Variants in ATAD2B observed in about 807,000 individuals in gnomAD.
ATAD2B encodes ATPase family AAA domain containing 2B, also known as ATPase family AAA domain-containing protein 2B.
Under a neutral mutation model 167.6 loss-of-function variants are expected in ATAD2B, and 40 were observed. The observed-to-expected ratio is 0.24, with a 90% CI of 0.19 to 0.31. The LOEUF (loss-of-function observed/expected upper bound fraction) is 0.31, where lower values mean the gene tolerates loss of function less well. ATAD2B is among the 10% of genes least tolerant of loss of function. The pLI, the probability that ATAD2B is intolerant of heterozygous loss-of-function variation, is 1.00. For synonymous variants in ATAD2B, 579 were observed against 596.5 expected, an observed-to-expected ratio of 0.97 and a Z score of 0.43; for missense variants, 1,242 against 1,757.2, an observed-to-expected ratio of 0.71 and a Z score of 5.24.
chr2:23,688,030 C>T, the ATAD2B span, among the ~76,000 whole-genome samples: 2 of 152,118 alleles, frequency 1.3e-5, no homozygotes, highest in East Asian at 1.9e-4. Context: ...GCCCAGAGCC[C>T]CACACCCTTC....
At chr2:23,845,120 T>C (rs1691543001) in intron 13 of ATAD2B, among the ~76,000 whole-genome samples, 1 of 152,174 alleles carries the variant, frequency 6.6e-6, no homozygotes, top group South Asian at 2.1e-4. Flanking sequence ...CTTCAAATTT[T>C]ATACCCAGAG....
chr2:23,830,771 A>T (rs1426126460), intron 14 of ATAD2B, among the ~76,000 whole-genome samples: 1 of 152,150 alleles, frequency 6.6e-6, no homozygotes, highest in East Asian at 1.9e-4. Flanking sequence ...CTGTAAGATG[A>T]CATTAAGAAT....
intron 1 of ATAD2B, among the ~76,000 whole-genome samples, chr2:23,905,555 A>C (rs1379292446): frequency 6.6e-6 from 1 of 151,996 alleles, no homozygotes; most frequent in Non-Finnish European, 1.5e-5. Flanking sequence ...AATGCCACAG[A>C]CTCTGAAGTT....
intron 1 of ATAD2B, among the ~76,000 whole-genome samples, chr2:23,924,017 A>T (rs4665247): frequency 6.6e-6 from 1 of 151,870 alleles, no homozygotes; most frequent in Non-Finnish European, 1.5e-5. Context: ...CCCGTCTCTA[A>T]TAAAAATACA....
intron 12 of ATAD2B, among the ~76,000 whole-genome samples, chr2:23,861,979 T>G (rs770890382): frequency 4.6e-5 from 7 of 152,204 alleles, no homozygotes; most frequent in Non-Finnish European, 8.8e-5. Flanking sequence ...GGCGGGAGGA[T>G]AGCTGAAGGC....
At chr2:23,769,298 G>A (rs1465192892) in intron 22 of ATAD2B, among the ~76,000 whole-genome samples, 3 of 152,150 alleles carry the variant, frequency 2.0e-5, no homozygotes, top group African/African-American at 7.2e-5. Context: ...AAAATTAGCC[G>A]GGCGTGGAGG....
chr2:23,812,727 G>A (rs1685797224), intron 17 of ATAD2B, among the ~76,000 whole-genome samples: 1 of 151,872 alleles, frequency 6.6e-6, no homozygotes, highest in Admixed American at 6.6e-5. Context: ...GCTGGGCGTG[G>A]TGGCACGTGC....
At chr2:23,806,773 T>G (rs1469071397) in intron 18 of ATAD2B, among the ~76,000 whole-genome samples, 1 of 152,208 alleles carries the variant, frequency 6.6e-6, no homozygotes, top group Admixed American at 6.5e-5. Context: ...GAGGACTATA[T>G]GTCAAGCCTA....
At chr2:23,737,355 G>A in the ATAD2B span, among the ~76,000 whole-genome samples, 1 of 152,160 alleles carries the variant, frequency 6.6e-6, no homozygotes, top group African/African-American at 2.4e-5. Flanking sequence ...AAAACTTCCA[G>A]AGGAACGATC....
the ATAD2B span, among the ~76,000 whole-genome samples, chr2:23,736,651 T>A: frequency 6.6e-6 from 1 of 152,094 alleles, no homozygotes; most frequent in Non-Finnish European, 1.5e-5. Context: ...CATTTCCAAC[T>A]GAGGTACCAG....
the ATAD2B span, among the ~76,000 whole-genome samples, chr2:23,738,777 C>T: frequency 6.6e-6 from 1 of 152,004 alleles, no homozygotes; most frequent in Non-Finnish European, 1.5e-5. Context: ...GAGTCAAGAC[C>T]CATCATTGTG....
chr2:23,825,293 G>A (rs908115426), intron 15 of ATAD2B, among the ~76,000 whole-genome samples: 10 of 151,558 alleles, frequency 6.6e-5, no homozygotes, highest in African/African-American at 2.4e-4. Context: ...CTTAAATACT[G>A]AACTAAAAAT....
chr2:23,684,859 T>C, the ATAD2B span, among the ~76,000 whole-genome samples: 3 of 152,034 alleles, frequency 2.0e-5, no homozygotes, highest in African/African-American at 7.2e-5. The surrounding 1 kb of genome is among the most constrained non-coding windows in gnomAD (Gnocchi z 4.4). Context: ...AAGCTGTCCC[T>C]GAGATTAGGG....
At chr2:23,706,029 G>A in the ATAD2B span, among the ~76,000 whole-genome samples, 3 of 152,196 alleles carry the variant, frequency 2.0e-5, no homozygotes, top group Non-Finnish European at 4.4e-5. Context: ...CTTGGCAGGT[G>A]GAGCTCCCAG....
chr2:23,891,020 ATTT>A (rs34109939), intron 2 of ATAD2B, among the ~76,000 whole-genome samples: 7 of 136,964 alleles, frequency 5.1e-5, no homozygotes, highest in Admixed American at 2.3e-4. Context: ...ATATACTGAG[ATTT>A]TTTTTTTTTT....
chr2:23,877,792 A>C (rs938229489), intron 7 of ATAD2B, among the ~76,000 whole-genome samples: 13 of 150,814 alleles, frequency 8.6e-5, no homozygotes, highest in Non-Finnish European at 1.9e-4. Context: ...CCAGGGCGGT[A>C]GAAGCTGCAG....
chr2:23,922,598 C>T (rs914680657), intron 1 of ATAD2B, among the ~76,000 whole-genome samples: 2 of 151,212 alleles, frequency 1.3e-5, no homozygotes, highest in South Asian at 4.2e-4. Context: ...ACATAGGGTA[C>T]TCCTACAACT....
the ATAD2B span, among the ~76,000 whole-genome samples, chr2:23,678,840 T>A: frequency 6.6e-6 from 1 of 152,128 alleles, no homozygotes; most frequent in Admixed American, 6.5e-5. Context: ...ATTCCACTTA[T>A]AAGAGGGTCT....
chr2:23,796,379 A>T (rs919181437), intron 19 of ATAD2B, among the ~76,000 whole-genome samples: 31 of 152,234 alleles, frequency 2.0e-4, no homozygotes, highest in African/African-American at 7.2e-4. Context: ...ATAAGTTATG[A>T]CAACAGTATA....
Sources: gnomAD v4.1 joint callset for allele counts (sites outside exome capture counted in the v4.1 genomes callset) on GRCh38, gnomAD v4.1.1 for gene constraint, Gnocchi (gnomAD v3.1) non-coding constraint, MANE v1.5 for transcripts, NCBI Gene and HGNC (gene_info 2026-07-23, HGNC 2026-07-21) for gene names.